QTGAL: variants seen among roughly 807,000 people sequenced by gnomAD.
QTGAL encodes queuosine-tRNA galactosyltransferase.
At chr17:82,995,443 C>T in the QTGAL span, among the ~76,000 whole-genome samples, 41 of 150,584 alleles carry the variant, frequency 2.7e-4, no homozygotes, top group Non-Finnish European at 4.7e-4. Context: ...AGTGCAGTGG[C>T]ATGATCTTGG....
At chr17:83,012,288 C>T in the QTGAL span, among the ~76,000 whole-genome samples, 1 of 151,188 alleles carries the variant, frequency 6.6e-6, no homozygotes, top group Non-Finnish European at 1.5e-5. Flanking sequence ...CTCCTCGTAT[C>T]CATAAGTCTC....
the QTGAL span, among the ~76,000 whole-genome samples, chr17:83,013,485 G>GC: frequency 7.6e-6 from 1 of 132,364 alleles, no homozygotes; most frequent in Non-Finnish European, 1.6e-5. Flanking sequence ...CCCTTCAGAC[G>GC]CCCCCAGCAC....
At chr17:83,024,386 T>C in the QTGAL span, among the ~76,000 whole-genome samples, 3 of 152,216 alleles carry the variant, frequency 2.0e-5, no homozygotes, top group African/African-American at 4.8e-5. Flanking sequence ...GGAAATCAAG[T>C]CACCTCCAAG....
the QTGAL span, among the ~76,000 whole-genome samples, chr17:83,026,681 G>A: frequency 4.6e-5 from 5 of 107,644 alleles, no homozygotes; most frequent in African/African-American, 7.2e-5. Context: ...GCAGGGCGGG[G>A]AGCCTGCAGA....
At chr17:82,999,894 C>A in the QTGAL span, among the ~76,000 whole-genome samples, 2 of 152,122 alleles carry the variant, frequency 1.3e-5, no homozygotes, top group Non-Finnish European at 2.9e-5. Flanking sequence ...TTTATAGGAT[C>A]GCCTTAAACA....
At chr17:83,040,510 C>T in the QTGAL span, among the ~76,000 whole-genome samples, 1 of 152,042 alleles carries the variant, frequency 6.6e-6, no homozygotes, top group African/African-American at 2.4e-5. Flanking sequence ...ACAGCTTGAC[C>T]CAGCATCATG....
At chr17:83,007,155 T>C in the QTGAL span, 3 of 925,134 alleles carry the variant, frequency 3.2e-6, no homozygotes, top group African/African-American at 3.6e-5. Flanking sequence ...ACAAACGTGC[T>C]CGGCCATGGC....
the QTGAL span, chr17:82,981,081 T>G: frequency 6.6e-6 from 1 of 152,178 alleles, no homozygotes. Flanking sequence ...CTCAATACTT[T>G]AAAAGATATT....
chr17:82,962,409 G>C, the QTGAL span, among the ~76,000 whole-genome samples: 4 of 152,116 alleles, frequency 2.6e-5, no homozygotes, highest in African/African-American at 9.7e-5. Context: ...ATAAGATAAA[G>C]ACAAAGGAAT....
chr17:82,972,813 C>CT, the QTGAL span, among the ~76,000 whole-genome samples: 2 of 147,078 alleles, frequency 1.4e-5, no homozygotes, highest in South Asian at 2.2e-4. Flanking sequence ...CCACAGCACA[C>CT]CACAGGGGCT....
At chr17:83,007,622 CG>C in the QTGAL span, among the ~76,000 whole-genome samples, 1 of 152,056 alleles carries the variant, frequency 6.6e-6, no homozygotes, top group African/African-American at 2.4e-5. Context: ...GCCTGGATCC[CG>C]CTGGGGCATG....
chr17:83,021,138 G>T, the QTGAL span, among the ~76,000 whole-genome samples: 5 of 152,298 alleles, frequency 3.3e-5, no homozygotes, highest in East Asian at 9.6e-4. Flanking sequence ...TAATGAAAAT[G>T]ATGAAACAAA....
chr17:82,970,939 T>C, the QTGAL span, among the ~76,000 whole-genome samples: 1 of 152,138 alleles, frequency 6.6e-6, no homozygotes, highest in Non-Finnish European at 1.5e-5. Flanking sequence ...GGCAGTGGTG[T>C]ACGCAGAGAG....
the QTGAL span, chr17:82,942,649 C>A: frequency 1.5e-6 from 1 of 683,810 alleles, no homozygotes; most frequent in South Asian, 1.8e-5. Flanking sequence ...TTGGGGTGGA[C>A]GCCTCTGCCT....
chr17:82,964,009 C>T, the QTGAL span, among the ~76,000 whole-genome samples: 4 of 105,658 alleles, frequency 3.8e-5, no homozygotes, highest in Non-Finnish European at 5.4e-5. Flanking sequence ...TTAATCTCAG[C>T]ACTTTGGAAG....
At chr17:83,024,478 G>A in the QTGAL span, among the ~76,000 whole-genome samples, 1 of 152,240 alleles carries the variant, frequency 6.6e-6, no homozygotes, top group Admixed American at 6.5e-5. Flanking sequence ...TCGCTCATCC[G>A]CCTCCAGTCT....
chr17:83,051,096 G>A, the QTGAL span, among the ~76,000 whole-genome samples: 1 of 143,612 alleles, frequency 7.0e-6, no homozygotes, highest in Non-Finnish European at 1.5e-5. Flanking sequence ...GCAGGTGCGC[G>A]CGGCAGGTGC....
the QTGAL span, among the ~76,000 whole-genome samples, chr17:83,044,367 A>T: frequency 2.6e-5 from 4 of 152,240 alleles, no homozygotes; most frequent in Non-Finnish European, 5.9e-5. Context: ...CCATCTTAAC[A>T]GATAAAGGGG....
the QTGAL span, among the ~76,000 whole-genome samples, chr17:83,041,141 A>G: frequency 1.3e-5 from 2 of 152,160 alleles, no homozygotes; most frequent in Admixed American, 1.3e-4. Flanking sequence ...GAGTATATTT[A>G]AATATGCAGA....
Sources: allele counts gnomAD v4.1 joint callset (sites outside exome capture counted in the v4.1 genomes callset), GRCh38; gene constraint gnomAD v4.1.1; transcripts MANE v1.5; gene names NCBI Gene and HGNC (gene_info 2026-07-23, HGNC 2026-07-21).